The following ANKRD27 variants were observed in gnomAD, a reference collection of about 807,000 sequenced individuals.
The protein encoded by ANKRD27 is ankyrin repeat domain-containing protein 27.
In ANKRD27, 112 loss-of-function variants were observed where a neutral mutation model predicts 129.7. The observed-to-expected ratio is 0.86, with a 90% confidence interval of 0.74 to 1.01. The LOEUF (loss-of-function observed/expected upper bound fraction) is 1.01. ANKRD27 is among the 50% of genes least tolerant of loss of function. The probability of loss-of-function intolerance (pLI) is 0.00; values close to 1 mark genes in which losing one functional copy is unlikely to be tolerated. For synonymous variants in ANKRD27, 516 were observed against 511.2 expected, an observed-to-expected ratio of 1.01 and a Z score of -0.13; for missense variants, 1,258 against 1,300.5, an observed-to-expected ratio of 0.97 and a Z score of 0.50.
rs765442503 is a variant in ANKRD27 at position 32,615,780 on chromosome 19, C to A, written c.2053G>T (p.Val685Leu). ...RAVADGDLEM[V>L]RYLLEWTEED... ...TCTGTCCATTCCAACAGGTAACGCA[C>A]CTGGTGATGGAGAGTAACGGAAACA... Residue 685 changes from valine to leucine, a missense_variant and splice_region_variant, in exon 22 of 29, where the codon GTG becomes TTG. Physicochemically the swap from Val to Leu is conservative, Grantham distance 32 (BLOSUM62 1). Coordinates refer to ENST00000306065, the MANE Select transcript of ANKRD27 (RefSeq NM_032139.3). 8.1e-6 allele frequency: 13 copies of A among 1,611,986 alleles called. No homozygotes were observed. The highest frequency in any genetic ancestry group is 1.1e-5 in the Non-Finnish European group (13 of 1,178,802).
In ANKRD27 at chr19:32,605,719, TG is replaced by T; in HGVS notation, c.2493+115del. 4 of 1,411,350 alleles carry T rather than the reference TG, an allele frequency of 2.8e-6. No homozygotes were observed. In the South Asian group the frequency reaches 4.9e-5, roughly 17 times the overall value. The allele number at this position is 1,411,350 out of a possible 1,614,324, so 87.4% of individuals were successfully genotyped here. On this transcript the variant is annotated intron_variant, in intron 24 of 28. Transcript: ENST00000306065. The stretch of plus-strand genomic sequence containing the variant: ...CGCCCTGCTCCTCTCCCCAGAGGCC[TG>T]GGGTTGATGGGTGGCCGGGCCTCTC...
intron 1 of ANKRD27, chr19:32,673,484 A>G: frequency 5.1e-6 from 5 of 984,456 alleles, no homozygotes; most frequent in Non-Finnish European, 6.0e-6. Context: ...GTGAGCCCTC[A>G]ACTTCTCTGC....
chr19:32,628,051 C>T (rs759063744), intron 15 of ANKRD27, 32 bp downstream of exon 15: 44 of 1,603,208 alleles, frequency 2.7e-5, no homozygotes, highest in Non-Finnish European at 3.4e-5. Context: ...TTTGCTGTGA[C>T]AGCCCCTAGG....
intron 21 of ANKRD27, among the ~76,000 whole-genome samples, chr19:32,616,641 TG>T (rs1233942689): frequency 8.6e-5 from 13 of 151,872 alleles, no homozygotes; most frequent in Non-Finnish European, 1.6e-4. Flanking sequence ...TAAGGAAGGC[TG>T]TCTCCAATGT....
intron 2 of ANKRD27, 145 bp from the exon 3 acceptor site, chr19:32,649,937 C>G: frequency 1.5e-6 from 1 of 656,934 alleles, no homozygotes; most frequent in Non-Finnish European, 2.7e-6. Context: ...CCAACACGGC[C>G]ACAGTGGCTG....
At chr19:32,631,694 C>T (rs1041915449) in intron 12 of ANKRD27, among the ~76,000 whole-genome samples, 200 bp from the exon 13 acceptor site, 6 of 152,158 alleles carry the variant, frequency 3.9e-5, no homozygotes, top group African/African-American at 1.2e-4. Context: ...GAGGCTTTGA[C>T]GGTTGCTCCC....
At chr19:32,623,522 C>G (rs1972044715) in intron 17 of ANKRD27, among the ~76,000 whole-genome samples, 1 of 151,350 alleles carries the variant, frequency 6.6e-6, no homozygotes, top group African/African-American at 2.4e-5. Flanking sequence ...TGAGCCCATC[C>G]TGTGTGGGTC....
At chr19:32,599,452 C>A (rs552290508) in intron 28 of ANKRD27, among the ~76,000 whole-genome samples, 3 of 152,310 alleles carry the variant, frequency 2.0e-5, no homozygotes, top group African/African-American at 7.2e-5. Flanking sequence ...CCTATAAGCA[C>A]CAAGACCTGT....
At chr19:32,648,985 G>C (rs934037304) in intron 3 of ANKRD27, among the ~76,000 whole-genome samples, 7 of 77,666 alleles carry the variant, frequency 9.0e-5, no homozygotes, top group Non-Finnish European at 1.5e-4. Context: ...TTTTTTTTTT[G>C]AGACAGGGTC....
intron 23 of ANKRD27, among the ~76,000 whole-genome samples, chr19:32,606,596 G>A (rs1228728960): frequency 6.6e-6 from 1 of 151,234 alleles, no homozygotes; most frequent in African/African-American, 2.4e-5. Context: ...GATGTGCTGG[G>A]CGACAGTGAT....
In ANKRD27 at chr19:32,628,862, A is replaced by G. The variant is rs1021372468; in HGVS notation, c.1210-13T>C. On this transcript the variant is annotated splice_polypyrimidine_tract_variant and intron_variant, in intron 13 of 28. Coordinates refer to ENST00000306065, the MANE Select transcript of ANKRD27 (RefSeq NM_032139.3). ...CTGATGCAATGTGCTGAAAAGTGAC[A>G]TCCAAGATGCTATCCACATGCTGGA... 1.9e-6 allele frequency: 3 copies of G among 1,613,776 alleles called. No homozygotes were observed. Among genetic ancestry groups the G allele is most frequent in the Non-Finnish European group, 2.5e-6 (3 of 1,179,890 alleles).
chr19:32,643,786 G>C (rs528878049), intron 5 of ANKRD27, 155 bp from the exon 6 acceptor site: 1 of 689,544 alleles, frequency 1.5e-6, no homozygotes, highest in Non-Finnish European at 2.5e-6. Flanking sequence ...AGGTGTATAT[G>C]CATTAAAAGC....
At chr19:32,672,455 G>A (rs758898873) in intron 1 of ANKRD27, among the ~76,000 whole-genome samples, 13 of 152,170 alleles carry the variant, frequency 8.5e-5, no homozygotes, top group Non-Finnish European at 1.3e-4. Flanking sequence ...TGAACAAAAC[G>A]ATAGTGGGGC....
intron 12 of ANKRD27, 124 bp from the exon 13 acceptor site, chr19:32,631,618 A>G: frequency 1.4e-6 from 1 of 739,492 alleles, no homozygotes; most frequent in Non-Finnish European, 2.3e-6. Flanking sequence ...CCCGTCTCAT[A>G]TGGGACCTGC....
intron 13 of ANKRD27, 135 bp from the exon 14 acceptor site, chr19:32,628,984 G>C (rs1481546126): frequency 1.2e-6 from 1 of 866,492 alleles, no homozygotes; most frequent in Non-Finnish European, 1.7e-6. Context: ...GCAATGGTGT[G>C]ATCTCAGCTC....
chr19:32,600,082 T>G (rs369714895), intron 26 of ANKRD27, 32 bp from the exon 27 acceptor site: 36 of 1,423,808 alleles, frequency 2.5e-5, no homozygotes, highest in Non-Finnish European at 3.3e-5. Context: ...TCTAAAAACT[T>G]CAAAAACAGT....
intron 22 of ANKRD27, among the ~76,000 whole-genome samples, chr19:32,612,418 G>A (rs746700815): frequency 1.9e-4 from 29 of 152,196 alleles, no homozygotes; most frequent in Non-Finnish European, 4.1e-4. Context: ...GGTACTATAA[G>A]AGTGAGTAAG....
rs751132915 is a variant in ANKRD27, at chr19:32,625,923, T to A, written c.1580A>T (p.Asn527Ile). ...CAGGTGGAGTGGCGTATTCCCATTG[T>A]TGTCCTGCACTTCCGCGCTGGCCTT... The part of the protein sequence containing the change: ...HYKASAEVQD[N>I]NGNTPLHLAC... Residue 527 changes from asparagine (N) to isoleucine (I), a missense_variant, in exon 17 of 29, where the codon AAC (asparagine) becomes ATC (isoleucine). By Grantham distance (149) the Asn-to-Ile change is moderately radical. Coordinates refer to ENST00000306065, the MANE Select transcript of ANKRD27 (RefSeq NM_032139.3). 1 of 1,611,990 alleles carries A rather than the reference T, an allele frequency of 6.2e-7. No individual in the cohort carries two copies. Among genetic ancestry groups the A allele is most frequent in the Non-Finnish European group, 8.5e-7 (1 of 1,179,520 alleles).
At chr19:32,669,565 C>G (rs1264277160) in intron 1 of ANKRD27, among the ~76,000 whole-genome samples, 2 of 152,132 alleles carry the variant, frequency 1.3e-5, no homozygotes, top group Non-Finnish European at 2.9e-5. Context: ...CAGACTCAAG[C>G]TGGGAAAAGG....
Sources: allele counts gnomAD v4.1 joint callset (sites outside exome capture counted in the v4.1 genomes callset), GRCh38; gene constraint gnomAD v4.1.1; transcripts MANE v1.5; gene names NCBI Gene and HGNC (gene_info 2026-07-23, HGNC 2026-07-21).